LINC00237: variants seen among roughly 807,000 people sequenced by gnomAD.
LINC00237 encodes the protein long independently transcribed non-coding RNA 237, also known as long intergenic non-protein coding RNA 237.
At chr20:21,086,612 T>C (rs1354051004) in intron 3 of LINC00237, among the ~76,000 whole-genome samples, 2 of 128,948 alleles carry the variant, frequency 1.6e-5, no homozygotes, top group African/African-American at 6.2e-5. Flanking sequence ...TATATGTATA[T>C]ATAGTATACT....
At chr20:21,106,046 A>G (rs976294796) in intron 1 of LINC00237, among the ~76,000 whole-genome samples, 3 of 152,284 alleles carry the variant, frequency 2.0e-5, no homozygotes, top group Non-Finnish European at 4.4e-5. Context: ...GGGACTCTCT[A>G]AGCCCCCGTG....
intron 3 of LINC00237, chr20:21,087,890 A>G (rs573409143): frequency 5.8e-4 from 88 of 152,288 alleles, no homozygotes; most frequent in African/African-American, 1.9e-3. Context: ...GCGTGGATTC[A>G]CACATCAAGT....
intron 3 of LINC00237, among the ~76,000 whole-genome samples, chr20:21,085,901 C>A (rs1053093894): frequency 3.3e-5 from 5 of 152,188 alleles, no homozygotes; most frequent in Non-Finnish European, 2.9e-5. Flanking sequence ...AGGTCAGAGA[C>A]AAAGGACTTT....
At chr20:21,089,238 G>T (rs934596997) in intron 2 of LINC00237, among the ~76,000 whole-genome samples, 4 of 151,342 alleles carry the variant, frequency 2.6e-5, no homozygotes, top group Non-Finnish European at 4.4e-5. Flanking sequence ...TTTTTGAAAG[G>T]TTGAAATAAT....
chr20:21,096,913 A>G (rs1017497546), intron 1 of LINC00237, among the ~76,000 whole-genome samples: 1 of 152,190 alleles, frequency 6.6e-6, no homozygotes, highest in Admixed American at 6.5e-5. Flanking sequence ...ACAGATTTTT[A>G]GATGCACCTG....
intron 1 of LINC00237, among the ~76,000 whole-genome samples, chr20:21,100,116 A>T (rs962433306): frequency 2.0e-5 from 3 of 152,300 alleles, no homozygotes; most frequent in African/African-American, 7.2e-5. Context: ...TAAGAACTCG[A>T]AAAAGGAAAT....
In LINC00237 at chr20:21,096,088, G is replaced by A. The variant is rs146164661; in HGVS notation, n.89-2236C>T. ...CTGGTGTTTCCAGAGATCACCTTTC[G>A]GTAATACATTGCTTGCTTTTGGAGA... On this transcript the variant is annotated intron_variant and non_coding_transcript_variant, in intron 1 of 3. Transcript: ENST00000691244. Among the ~76,000 whole-genome samples, 211 of 152,192 alleles carry A rather than the reference G, an allele frequency of 1.4e-3. 3 individuals are homozygous for A. In the East Asian group the frequency reaches 0.029, roughly 21 times the overall value.
At chr20:21,102,840 T>A (rs2030950974) in intron 1 of LINC00237, among the ~76,000 whole-genome samples, 2 of 152,148 alleles carry the variant, frequency 1.3e-5, no homozygotes, top group Non-Finnish European at 2.9e-5. Flanking sequence ...TTTTGAAATG[T>A]CTGTGGTGAT....
chr20:21,099,613 T>C (rs6137263), intron 1 of LINC00237, among the ~76,000 whole-genome samples: 38,524 of 152,038 alleles, frequency 0.25, 6,342 homozygotes, highest in East Asian at 0.64. Context: ...CATCTTGGGG[T>C]ACCTGACAGA....
At chr20:21,088,066 C>T (rs1409299366) in intron 2 of LINC00237, 1 of 152,158 alleles carries the variant, frequency 6.6e-6, no homozygotes, top group Non-Finnish European at 1.5e-5. Context: ...TACATTGTTA[C>T]CAATGCATTA....
At chr20:21,089,624 A>G (rs1018479017) in intron 2 of LINC00237, 1 of 152,200 alleles carries the variant, frequency 6.6e-6, no homozygotes, top group Non-Finnish European at 1.5e-5. Context: ...AAAGCCTCTT[A>G]AAACGCAAAA....
At chr20:21,105,660 C>G (rs776466884) in intron 1 of LINC00237, among the ~76,000 whole-genome samples, 1 of 152,194 alleles carries the variant, frequency 6.6e-6, no homozygotes, top group Non-Finnish European at 1.5e-5. Flanking sequence ...AAAAGAGTGC[C>G]GGCCAGGAGT....
intron 1 of LINC00237, among the ~76,000 whole-genome samples, chr20:21,100,979 CACAAAAGCCAGACA>C (rs1360694587): frequency 1.3e-5 from 2 of 152,146 alleles, no homozygotes; most frequent in Non-Finnish European, 2.9e-5. Flanking sequence ...TCGCAGTCCC[CACAAAAGCCAGACA>C]ACAATATCAA....
At chr20:21,098,690 A>G (rs1458069149) in intron 1 of LINC00237, among the ~76,000 whole-genome samples, 1 of 152,236 alleles carries the variant, frequency 6.6e-6, no homozygotes, top group African/African-American at 2.4e-5. Flanking sequence ...TCAGCAGTAT[A>G]GGAAATAGAA....
At chr20:21,090,667 G>GA (rs1568884579) in intron 2 of LINC00237, among the ~76,000 whole-genome samples, 1 of 152,184 alleles carries the variant, frequency 6.6e-6, no homozygotes, top group Non-Finnish European at 1.5e-5. Context: ...TGCAAAATGA[G>GA]AAAAGTCCTC....
intron 1 of LINC00237, among the ~76,000 whole-genome samples, chr20:21,102,704 A>AG (rs2030947924): frequency 6.6e-6 from 1 of 151,706 alleles, no homozygotes; most frequent in Non-Finnish European, 1.5e-5. Flanking sequence ...AAGAAAAAAA[A>AG]AAAAAAAAAG....
chr20:21,089,314 G>T (rs755979833), intron 2 of LINC00237, among the ~76,000 whole-genome samples: 1 of 151,790 alleles, frequency 6.6e-6, no homozygotes, highest in Non-Finnish European at 1.5e-5. Flanking sequence ...ACACCCTTCG[G>T]TTTCTCTCAA....
At chr20:21,100,115 G>A (rs1485387901) in intron 1 of LINC00237, among the ~76,000 whole-genome samples, 8 of 152,012 alleles carry the variant, frequency 5.3e-5, no homozygotes, top group Non-Finnish European at 1.2e-4. Context: ...TTAAGAACTC[G>A]AAAAAGGAAA....
At chr20:21,089,073 G>T (rs1230242900) in intron 2 of LINC00237, among the ~76,000 whole-genome samples, 1 of 151,772 alleles carries the variant, frequency 6.6e-6, no homozygotes, top group Non-Finnish European at 1.5e-5. Context: ...TTGTCACAGT[G>T]AGGAGTAGGT....
Sources: gnomAD v4.1 joint callset for allele counts (sites outside exome capture counted in the v4.1 genomes callset) on GRCh38, gnomAD v4.1.1 for gene constraint, MANE v1.5 for transcripts, NCBI Gene and HGNC (gene_info 2026-07-23, HGNC 2026-07-21) for gene names.